MBD5: variants seen among roughly 807,000 people sequenced by gnomAD.
MBD5 encodes the protein methyl-CpG binding domain protein 5.
In MBD5, 13 loss-of-function variants were observed where a neutral mutation model predicts 117.3. The ratio of observed to expected loss-of-function variants is 0.11; its 90% CI spans 0.07 to 0.18. The LOEUF is 0.18. Ranked by LOEUF, MBD5 falls within the 10% of genes least tolerant of loss-of-function variation. MBD5 has a pLI of 1.00. For missense variants in MBD5, 1,879 were observed against 2,093.8 expected, an observed-to-expected ratio of 0.90 and a Z score of 2.00; for synonymous variants, 727 against 766.4, an observed-to-expected ratio of 0.95 and a Z score of 0.85.
chr2:148,026,317 C>T (rs1693891493), intron 1 of MBD5: 1 of 151,970 alleles, frequency 6.6e-6, no homozygotes, highest in East Asian at 1.9e-4. Flanking sequence ...AAATTATGGC[C>T]CTGATAGCTT....
rs547959632 is a variant in MBD5, at chr2:148,048,867, G to A, written c.-925+27183G>A. On this transcript the variant is annotated intron_variant, in intron 1 of 13. Coordinates refer to ENST00000642680, the MANE Select transcript of MBD5 (RefSeq NM_001378120.1). ...ATTTCCTAGGGTGGGTATGAGATAA[G>A]CCTCTCTGTGAAAAATTGCCCTGTC... Among the ~76,000 whole-genome samples, 28 of 152,154 alleles carry A rather than the reference G, an allele frequency of 1.8e-4. No homozygotes were observed. The South Asian group carries it at 5.8e-3, about 32-fold the overall frequency.
intron 4 of MBD5, among the ~76,000 whole-genome samples, chr2:148,443,246 T>C (rs1706381854): frequency 6.6e-6 from 1 of 151,010 alleles, no homozygotes; most frequent in African/African-American, 2.5e-5. Context: ...AGGCAATGAA[T>C]GCTGGTGATG....
chr2:148,240,023 C>T (rs1700179313), intron 3 of MBD5, among the ~76,000 whole-genome samples: 1 of 152,124 alleles, frequency 6.6e-6, no homozygotes, highest in African/African-American at 2.4e-5. Flanking sequence ...ACTCAAATGT[C>T]CATCAGTGAT....
chr2:148,201,941 G>A (rs1228501416), intron 2 of MBD5, among the ~76,000 whole-genome samples: 1 of 152,160 alleles, frequency 6.6e-6, no homozygotes, highest in Non-Finnish European at 1.5e-5. Context: ...GGGTAGGGAT[G>A]AATCGGAGGA....
intron 4 of MBD5, among the ~76,000 whole-genome samples, chr2:148,361,787 G>A (rs1192424389): frequency 2.0e-5 from 3 of 152,192 alleles, no homozygotes; most frequent in Admixed American, 1.3e-4. Flanking sequence ...AACGCAGAAG[G>A]CGGGTAATTT....
intron 8 of MBD5, chr2:148,472,457 A>G (rs946959072): frequency 1.3e-5 from 2 of 152,144 alleles, no homozygotes; most frequent in Non-Finnish European, 2.9e-5. Flanking sequence ...TAACGTGCAT[A>G]GGTCTGATGT....
chr2:148,246,402 A>G (rs1441961384), intron 3 of MBD5, among the ~76,000 whole-genome samples: 1 of 152,060 alleles, frequency 6.6e-6, no homozygotes, highest in Non-Finnish European at 1.5e-5. Flanking sequence ...ATTTTTATTC[A>G]TGTATTATGT....
intron 12 of MBD5, among the ~76,000 whole-genome samples, chr2:148,507,263 T>G (rs1056220587): frequency 1.3e-5 from 2 of 152,236 alleles, no homozygotes; most frequent in African/African-American, 4.8e-5. Flanking sequence ...TATTGCAATT[T>G]TTCATGGTTA....
At chr2:148,303,490 A>AT (rs1701820981) in intron 3 of MBD5, among the ~76,000 whole-genome samples, 1 of 152,232 alleles carries the variant, frequency 6.6e-6, no homozygotes, top group Non-Finnish European at 1.5e-5. Context: ...GTTATTTCAT[A>AT]TAAGAATGAT....
intron 11 of MBD5, among the ~76,000 whole-genome samples, chr2:148,500,681 T>A (rs930977627): frequency 2.0e-5 from 3 of 152,192 alleles, no homozygotes; most frequent in African/African-American, 7.2e-5. Flanking sequence ...TGTGACCTGA[T>A]CAACCCCTTC....
chr2:148,299,662 TTGTTTTAATAACTGATA>T (rs1574257496), intron 3 of MBD5, among the ~76,000 whole-genome samples: 1 of 152,360 alleles, frequency 6.6e-6, no homozygotes, highest in East Asian at 1.9e-4. Flanking sequence ...GTGTTTTGTT[TTGTTTTAATAACTGATA>T]TCCAGTCATT....
intron 4 of MBD5, among the ~76,000 whole-genome samples, chr2:148,356,317 A>G (rs1442813654): frequency 3.3e-5 from 5 of 152,040 alleles, no homozygotes; most frequent in Non-Finnish European, 7.4e-5. Flanking sequence ...TTAAATAGCA[A>G]CTTCCCATGC....
At chr2:148,033,708 A>G (rs187426553) in intron 1 of MBD5, among the ~76,000 whole-genome samples, 26 of 152,330 alleles carry the variant, frequency 1.7e-4, no homozygotes, top group Non-Finnish European at 2.8e-4. Context: ...ACCACATAAC[A>G]GTTGATGAAT....
chr2:148,511,279 A>C (rs1386161658), intron 13 of MBD5, among the ~76,000 whole-genome samples: 1 of 152,322 alleles, frequency 6.6e-6, no homozygotes, highest in South Asian at 2.1e-4. Context: ...GACCTGACCT[A>C]ATCATATGGC....
intron 11 of MBD5, among the ~76,000 whole-genome samples, chr2:148,496,817 A>G (rs918148971): frequency 3.9e-5 from 6 of 152,144 alleles, no homozygotes; most frequent in Non-Finnish European, 7.4e-5. Context: ...TGATAAAGAG[A>G]ATTTGGTTAG....
chr2:148,146,132 A>G (rs775683573), intron 1 of MBD5, among the ~76,000 whole-genome samples: 1 of 152,170 alleles, frequency 6.6e-6, no homozygotes, highest in Non-Finnish European at 1.5e-5. Flanking sequence ...TTAATGCCCA[A>G]TTTATTTTGG....
At chr2:148,427,166 G>C (rs891438546) in intron 4 of MBD5, among the ~76,000 whole-genome samples, 1 of 152,134 alleles carries the variant, frequency 6.6e-6, no homozygotes, top group Non-Finnish European at 1.5e-5. Flanking sequence ...GTGCTGGAGA[G>C]GATGTGGAGA....
chr2:148,300,434 A>C (rs1173258867), intron 3 of MBD5, among the ~76,000 whole-genome samples: 1 of 152,000 alleles, frequency 6.6e-6, no homozygotes, highest in African/African-American at 2.4e-5. Context: ...CTTTTCCTGC[A>C]GTGTCTTCCC....
intron 2 of MBD5, among the ~76,000 whole-genome samples, chr2:148,187,361 C>A (rs181128914): frequency 6.7e-6 from 1 of 148,440 alleles, no homozygotes; most frequent in South Asian, 2.1e-4. Flanking sequence ...TGAGGCATAA[C>A]AAATATGGAA....
Sources: gnomAD v4.1 joint callset for allele counts (sites outside exome capture counted in the v4.1 genomes callset) on GRCh38, gnomAD v4.1.1 for gene constraint, MANE v1.5 for transcripts, NCBI Gene and HGNC (gene_info 2026-07-23, HGNC 2026-07-21) for gene names.